Variants in KPNA3 observed in about 807,000 individuals in gnomAD.
KPNA3 encodes karyopherin subunit alpha 3, also known as importin subunit alpha-4.
Under a neutral mutation model 73.8 loss-of-function variants are expected in KPNA3, and 13 were observed. The ratio of observed to expected loss-of-function variants is 0.18; its 90% confidence interval spans 0.11 to 0.28. The LOEUF (loss-of-function observed/expected upper bound fraction) is 0.28. KPNA3 is among the 10% of genes least tolerant of loss of function. The pLI is 1.00. For synonymous variants in KPNA3, 186 were observed against 206.9 expected, an observed-to-expected ratio of 0.90 and a Z score of 0.87; for missense variants, 360 against 618.1, an observed-to-expected ratio of 0.58 and a Z score of 4.43.
In KPNA3 at chr13:49,701,752, G is replaced by A. The variant is rs753490647; in HGVS notation, c.*48C>T. 1 of 1,100,532 alleles carries A rather than the reference G, an allele frequency of 9.1e-7. No individual in the cohort carries two copies. The highest frequency in any genetic ancestry group is 1.7e-5 in the Admixed American group (1 of 59,180). The allele number at this position is 1,100,532 out of a possible 1,614,324, so 68.2% of individuals were successfully genotyped here. A position where few individuals can be genotyped will look rare whatever the true frequency, so the allele number is the denominator to read the frequency against. ...TGTTCTTATCATTTGGTAGCCATCT[G>A]GTGGTGCTTCATATTGAATGTGGGA... is the stretch of plus-strand genomic sequence containing the variant. On this transcript the variant is annotated 3_prime_UTR_variant, in exon 17 of 17. Transcript: ENST00000261667.
chr13:49,711,905 C>A (rs978807565), intron 10 of KPNA3, among the ~76,000 whole-genome samples: 2 of 152,132 alleles, frequency 1.3e-5, no homozygotes, highest in Non-Finnish European at 2.9e-5. Context: ...TTCAGCATTA[C>A]TAAGAGTCAG....
At chr13:49,768,905 T>C (rs1365451673) in intron 1 of KPNA3, among the ~76,000 whole-genome samples, 1 of 152,186 alleles carries the variant, frequency 6.6e-6, no homozygotes, top group African/African-American at 2.4e-5. Flanking sequence ...GCTGTTCTGT[T>C]AGCCCAGAAC....
At position 49,711,112 on chromosome 13, in the gene KPNA3, T is replaced by TCACTTGAAATTAA. The variant is rs1162637965; in HGVS notation, c.772-91_772-90insTTAATTTCAAGTG. On this transcript the variant is annotated intron_variant, in intron 10 of 16. Transcript: ENST00000261667. ...ACCTCAGGAGTAGTGACAGAAAAAG[T>TCACTTGAAATTAA]AACCAAATTTCAAGTTTTAGCTTAG... is the stretch of plus-strand genomic sequence containing the variant. 9.4e-6 allele frequency: 12 copies of TCACTTGAAATTAA among 1,279,170 alleles called. No homozygotes were observed. In the Admixed American group the frequency reaches 3.5e-4, roughly 38 times the overall value. The allele number at this position is 1,279,170 out of a possible 1,614,324, so 79.2% of individuals were successfully genotyped here. A position where few individuals can be genotyped will look rare whatever the true frequency, so the allele number is the denominator to read the frequency against.
chr13:49,775,184 A>G (rs1431722817), intron 1 of KPNA3, among the ~76,000 whole-genome samples: 1 of 124,856 alleles, frequency 8.0e-6, no homozygotes, highest in Admixed American at 8.5e-5. Flanking sequence ...AAAAAAAAAA[A>G]AAGAAAAAAG....
At chr13:49,702,055 A>G (rs971486041) in intron 16 of KPNA3, among the ~76,000 whole-genome samples, 157 bp from the exon 17 acceptor site, 8 of 152,236 alleles carry the variant, frequency 5.3e-5, no homozygotes, top group Admixed American at 1.3e-4. Flanking sequence ...AAGAAATTTA[A>G]CAATTTAAAA....
At position 49,791,331 on chromosome 13, in the gene KPNA3, C is replaced by T. The variant is rs980659401; in HGVS notation, c.69+1107G>A. Among the ~76,000 whole-genome samples the T allele has an allele frequency of 5.3e-5, 8 of 152,190 alleles. No homozygotes were observed. In the East Asian group the frequency reaches 1.5e-3, roughly 29 times the overall value. ...GCAAAGAAGGCTGCGGCCTTAAAAC[C>T]ATTTTCCCCCTAACAAATCCAAAGG... On this transcript the variant is annotated intron_variant, in intron 1 of 16. Coordinates refer to ENST00000261667, the MANE Select transcript of KPNA3 (RefSeq NM_002267.4).
chr13:49,762,550 G>T (rs1161576169), intron 1 of KPNA3, among the ~76,000 whole-genome samples: 1 of 152,202 alleles, frequency 6.6e-6, no homozygotes, highest in Admixed American at 6.5e-5. Context: ...GGATGCTGTT[G>T]ATCTATGACC....
At chr13:49,734,954 T>TAGAGAGAGAG (rs10675449) in intron 2 of KPNA3, among the ~76,000 whole-genome samples, 2,511 of 145,874 alleles carry the variant, frequency 0.017, 50 homozygotes, top group African/African-American at 0.047. Context: ...GAGAGATAGA[T>TAGAGAGAGAG]AGAGAGAGAG....
At position 49,732,631 on chromosome 13, in the gene KPNA3, G is replaced by A. The variant is rs576870923; in HGVS notation, c.261C>T (p.Val87=). The A allele has an allele frequency of 5.8e-5, 94 of 1,611,314 alleles. 1 individual carries two copies. In the South Asian group the frequency reaches 8.9e-4, roughly 15 times the overall value. ...TTGCTGCCTGGACAGCACTCAATTGGACCACTGGGTTATCACTTGTGGCAT... is the reference window on the plus strand; with the variant it reads ...TTGCTGCCTGGACAGCACTCAATTGAACCACTGGGTTATCACTTGTGGCAT... ...LQNATSDNPV[V]QLSAVQAARK... is the part of the protein sequence containing the mutation. The change falls in exon 5 of 17, where the codon GTC becomes GTT. Residue 87 remains valine, a synonymous_variant. Coordinates refer to ENST00000261667, the MANE Select transcript of KPNA3 (RefSeq NM_002267.4).
intron 1 of KPNA3, among the ~76,000 whole-genome samples, chr13:49,764,772 C>A (rs1213609308): frequency 6.6e-6 from 1 of 151,700 alleles, no homozygotes; most frequent in African/African-American, 2.4e-5. Context: ...AAAAAAGAAC[C>A]TTTCTCAATC....
At chr13:49,745,588 C>T (rs1954609922) in intron 2 of KPNA3, among the ~76,000 whole-genome samples, 1 of 151,794 alleles carries the variant, frequency 6.6e-6, no homozygotes, top group Admixed American at 6.6e-5. Flanking sequence ...GAACTCTTGA[C>T]CTCAGGTGAT....
chr13:49,790,743 G>A (rs750300102), intron 1 of KPNA3, among the ~76,000 whole-genome samples: 13 of 152,182 alleles, frequency 8.5e-5, no homozygotes, highest in Non-Finnish European at 1.8e-4. Context: ...TACCTATTAT[G>A]TGCAGGAGTC....
chr13:49,734,383 T>C (rs1954499766), intron 2 of KPNA3, among the ~76,000 whole-genome samples: 1 of 152,230 alleles, frequency 6.6e-6, no homozygotes, highest in Non-Finnish European at 1.5e-5. Flanking sequence ...AACATGTATG[T>C]ACAATACACT....
At chr13:49,759,577 G>A (rs1267255833) in intron 1 of KPNA3, among the ~76,000 whole-genome samples, 1 of 152,218 alleles carries the variant, frequency 6.6e-6, no homozygotes, top group East Asian at 1.9e-4. Flanking sequence ...ATCTGGGGAT[G>A]ATGGGAGATG....
At chr13:49,709,490 T>A in intron 12 of KPNA3, 82 bp downstream of exon 12, 1 of 1,157,504 alleles carries the variant, frequency 8.6e-7, no homozygotes, top group Non-Finnish European at 1.2e-6. Flanking sequence ...AAGAAAAACA[T>A]ACAAGTAGCA....
At chr13:49,774,745 A>T (rs1954882842) in intron 1 of KPNA3, among the ~76,000 whole-genome samples, 1 of 152,232 alleles carries the variant, frequency 6.6e-6, no homozygotes, top group South Asian at 2.1e-4. Context: ...AAAAACTTAG[A>T]ATGAAGGTGA....
At chr13:49,710,857 T>G in intron 11 of KPNA3, 34 bp downstream of exon 11, 1 of 1,592,744 alleles carries the variant, frequency 6.3e-7, no homozygotes, top group Non-Finnish European at 8.6e-7. Flanking sequence ...CAAACACAAC[T>G]GTATACAAAT....
At chr13:49,717,440 GAAAAA>G (rs61581557) in intron 10 of KPNA3, among the ~76,000 whole-genome samples, 1 of 126,930 alleles carries the variant, frequency 7.9e-6, no homozygotes, top group Admixed American at 8.9e-5. Context: ...GGAAAAAAAA[GAAAAA>G]AAAAAAAAAA....
intron 1 of KPNA3, among the ~76,000 whole-genome samples, chr13:49,769,555 G>C (rs995773968): frequency 8.5e-5 from 13 of 152,134 alleles, no homozygotes; most frequent in African/African-American, 2.9e-4. Context: ...TTCATGTCTG[G>C]CTTCTTCACT....
Sources: gnomAD v4.1 joint callset for allele counts (sites outside exome capture counted in the v4.1 genomes callset) on GRCh38, gnomAD v4.1.1 for gene constraint, MANE v1.5 for transcripts, NCBI Gene and HGNC (gene_info 2026-07-23, HGNC 2026-07-21) for gene names.